RORC: variants seen among roughly 807,000 people sequenced by gnomAD.
RORC encodes the protein nuclear receptor ROR-gamma.
Under a neutral mutation model 64.5 loss-of-function variants are expected in RORC, and 13 were observed. The observed-to-expected ratio is 0.20, with a 90% CI of 0.13 to 0.32. The LOEUF (loss-of-function observed/expected upper bound fraction) is 0.32. Ranked by LOEUF, RORC falls within the 10% of genes least tolerant of loss-of-function variation. The pLI, the probability that RORC is intolerant of heterozygous loss-of-function variation, is 1.00. For missense variants in RORC, 468 were observed against 669.5 expected, an observed-to-expected ratio of 0.70 and a Z score of 3.32; for synonymous variants, 277 against 259.3, an observed-to-expected ratio of 1.07 and a Z score of -0.65.
intron 9 of RORC, chr1:151,811,676 C>G (rs1651537897): frequency 5.8e-6 from 2 of 345,552 alleles, no homozygotes; most frequent in South Asian, 1.2e-4. Flanking sequence ...CTCCAAGCTA[C>G]CTTCTCCCTG....
intron 10 of RORC, 30 bp downstream of exon 10, chr1:151,811,295 G>C: frequency 6.9e-7 from 1 of 1,452,010 alleles, no homozygotes; most frequent in Non-Finnish European, 9.7e-7. Context: ...CGATGGGCCT[G>C]GCCTCTTCTA....
rs570834741 is a variant in RORC, at chr1:151,809,325, T to A, written c.1396-1692A>T. The stretch of plus-strand genomic sequence containing the variant: ...AGGACAATCGCTTGAACCTGGGAGG[T>A]GGAGGTTGCAGTGAGCCGAGATCAC... On this transcript the variant is annotated intron_variant, in intron 10 of 10. Transcript: ENST00000318247. Among the ~76,000 whole-genome samples, 25 of 148,684 alleles carry A rather than the reference T, an allele frequency of 1.7e-4. No homozygotes were observed. In the South Asian group the frequency reaches 4.3e-3, roughly 26 times the overall value.
In RORC at chr1:151,815,198, G is replaced by C. The variant is rs1184514416; in HGVS notation, c.526C>G (p.Leu176Val). ...GGCCCAGAGCCTGAGGCTTTCAGGA[G>C]GCCAGGGGGACAGGCAGAAGCCTCA... ...LPEASACPPG[L>V]LKASGSGPSY... Residue 176 changes from leucine to valine, a missense_variant, in exon 5 of 11, where the codon CTC (leucine) becomes GTC (valine). Coordinates refer to ENST00000318247, the MANE Select transcript of RORC (RefSeq NM_005060.4). 1 of 1,614,058 alleles carries C rather than the reference G, an allele frequency of 6.2e-7. No individual in the cohort carries two copies. The highest frequency in any genetic ancestry group is 1.7e-5 in the Admixed American group (1 of 60,014).
At chr1:151,817,441 C>T (rs1488156150) in intron 2 of RORC, among the ~76,000 whole-genome samples, 161 bp from the exon 3 acceptor site, 2 of 152,190 alleles carry the variant, frequency 1.3e-5, no homozygotes, top group African/African-American at 4.8e-5. Context: ...AAGTGAAATG[C>T]CAAATGCTTC....
chr1:151,809,127 G>C (rs1651421246), intron 10 of RORC, among the ~76,000 whole-genome samples: 2 of 152,152 alleles, frequency 1.3e-5, no homozygotes, highest in Non-Finnish European at 2.9e-5. Flanking sequence ...GGCCAGGTGT[G>C]GTGGTTCACG....
chr1:151,825,314 A>G (rs1652149581), intron 2 of RORC, among the ~76,000 whole-genome samples: 1 of 152,154 alleles, frequency 6.6e-6, no homozygotes, highest in African/African-American at 2.4e-5. Flanking sequence ...ACACGCAGGC[A>G]TGTGCCCGGG....
chr1:151,820,847 G>A (rs1465519956), intron 2 of RORC, among the ~76,000 whole-genome samples: 1 of 152,168 alleles, frequency 6.6e-6, no homozygotes, highest in Admixed American at 6.5e-5. Flanking sequence ...TATACTTTGA[G>A]TAGCAAGAAC....
At chr1:151,822,736 G>T (rs368521397) in intron 2 of RORC, among the ~76,000 whole-genome samples, 1 of 152,346 alleles carries the variant, frequency 6.6e-6, no homozygotes, top group African/African-American at 2.4e-5. Flanking sequence ...GAAAGACCTT[G>T]GCTCTGGCCC....
At position 151,830,321 on chromosome 1, in the gene RORC, G is replaced by A. The variant is rs1351239491; in HGVS notation, c.41-863C>T. Reference sequence around the variant, plus strand: ...GTCACATGGATACTCGGACCTCCAGGGGGAGCAGCCGTTGAGGGGAGGGCC... The same window carrying A: ...GTCACATGGATACTCGGACCTCCAGAGGGAGCAGCCGTTGAGGGGAGGGCC... On this transcript the variant is annotated intron_variant, in intron 1 of 10. Transcript: ENST00000318247. This position sits in a 1 kb window ranked among gnomAD's most constrained non-coding sequence, Gnocchi z 4.0. Among the ~76,000 whole-genome samples, 1 of 152,062 alleles carries A rather than the reference G, an allele frequency of 6.6e-6. No individual in the cohort carries two copies. The highest frequency in any genetic ancestry group is 1.9e-4 in the East Asian group (1 of 5,162).
chr1:151,814,859 G>A lies in RORC; in HGVS notation c.811+54C>T, dbSNP rs996651316. On this transcript the variant is annotated intron_variant, in intron 5 of 10. Transcript: ENST00000318247. ...GCATGTTTGATTGATACGGGGTACT[G>A]GTGGAAACCCCTCCCTCATCTCTAC... 5 of 1,579,156 alleles carry A rather than the reference G, an allele frequency of 3.2e-6. No individual in the cohort carries two copies. The African/African-American group carries it at 6.7e-5, about 21-fold the overall frequency.
intron 3 of RORC, 87 bp from the exon 4 acceptor site, chr1:151,816,892 G>C (rs1391242745): frequency 1.7e-5 from 23 of 1,357,372 alleles, no homozygotes; most frequent in Non-Finnish European, 2.1e-5. Context: ...AGCTCTGGCA[G>C]CTTTTCTACA....
intron 2 of RORC, among the ~76,000 whole-genome samples, chr1:151,819,717 T>C (rs1230124723): frequency 6.6e-6 from 1 of 152,178 alleles, no homozygotes; most frequent in Non-Finnish European, 1.5e-5. Context: ...GCCCCATGCT[T>C]GACCCACTGC....
chr1:151,827,093 G>T (rs892565584), intron 2 of RORC, among the ~76,000 whole-genome samples: 1 of 152,208 alleles, frequency 6.6e-6, no homozygotes, highest in African/African-American at 2.4e-5. Context: ...ACTACAGCCT[G>T]AGCAACTGAG....
rs1332966680 is a variant in RORC, at chr1:151,806,283, G to A, written c.*1189C>T. ...GATCACAGCTGGGGAAACAGGCCCA[G>A]GCCCTGCTCCCTGGTGTCCTCCATG... On this transcript the variant is annotated 3_prime_UTR_variant, in exon 11 of 11. Coordinates refer to ENST00000318247, the MANE Select transcript of RORC (RefSeq NM_005060.4). 1 of 153,574 alleles carries A rather than the reference G, an allele frequency of 6.5e-6. No individual in the cohort carries two copies. The highest frequency in any genetic ancestry group is 1.5e-5 in the Non-Finnish European group (1 of 68,104). 9.5% of individuals were successfully genotyped at this position (153,574 alleles called of 1,614,324 possible).
At chr1:151,813,401 A>C in intron 7 of RORC, 55 bp from the exon 8 acceptor site, 1 of 1,608,716 alleles carries the variant, frequency 6.2e-7, no homozygotes, top group Non-Finnish European at 8.5e-7. Context: ...CCAGGATCTG[A>C]CTCTGTCCCC....
At chr1:151,825,445 C>T (rs1374472502) in intron 2 of RORC, among the ~76,000 whole-genome samples, 1 of 152,136 alleles carries the variant, frequency 6.6e-6, no homozygotes, top group Admixed American at 6.5e-5. Flanking sequence ...AGTTGACTCT[C>T]GCTGTCCTGT....
rs200449406 is a variant in RORC, at chr1:151,816,785, C to G, written c.177G>C (p.Gln59His). The change falls in exon 4 of 11, where the codon CAG becomes CAC. Residue 59 changes from glutamine to histidine, a missense_variant. Gln to His is a conservative substitution (Grantham distance 24, BLOSUM62 0). Around this residue, in one of 5 missense-constraint regions of RORC, gnomAD observed 241 missense variants for 295.5 expected, o/e 0.82. Transcript: ENST00000318247. The stretch of plus-strand genomic sequence containing the variant: ...TGCAGGAGTAGGCCGCGTTACAGCG[C>G]TGGCTCCGGCGGAAGAAGCCCTGGG... ...EGCKGFFRRSQRCNAAYSCTR... is the reference protein window; with the variant it reads ...EGCKGFFRRSHRCNAAYSCTR... 12 of 1,551,514 alleles carry G rather than the reference C, an allele frequency of 7.7e-6. No individual in the cohort carries two copies. Among genetic ancestry groups the G allele is most frequent in the Non-Finnish European group, 1.0e-5 (12 of 1,143,338 alleles).
chr1:151,827,363 G>A (rs1652231730), intron 2 of RORC, among the ~76,000 whole-genome samples: 1 of 152,162 alleles, frequency 6.6e-6, no homozygotes, highest in African/African-American at 2.4e-5. Context: ...GAGTCTCTCT[G>A]GAGTGTTTTT....
intron 10 of RORC, among the ~76,000 whole-genome samples, chr1:151,809,423 C>T (rs1651435547): frequency 6.6e-6 from 1 of 151,904 alleles, no homozygotes; most frequent in South Asian, 2.1e-4. Context: ...CAAACAACAA[C>T]AACAAAAACA....
Sources: allele counts gnomAD v4.1 joint callset (sites outside exome capture counted in the v4.1 genomes callset), GRCh38; gene constraint gnomAD v4.1.1; regional missense constraint gnomAD v4.1.1; non-coding constraint Gnocchi (gnomAD v3.1); transcripts MANE v1.5; gene names NCBI Gene and HGNC (gene_info 2026-07-23, HGNC 2026-07-21).